The following CAPN5 variants were observed in gnomAD, a reference collection of about 807,000 sequenced individuals.
CAPN5 encodes calpain-5.
Under a neutral mutation model 73.0 loss-of-function variants are expected in CAPN5, and 54 were observed. That is an observed-to-expected ratio of 0.74 (90% CI 0.59 to 0.93). The LOEUF is 0.93. Ranked by LOEUF, CAPN5 falls within the 40% of genes least tolerant of loss-of-function variation. The pLI is 0.00. For synonymous variants in CAPN5, 335 were observed against 356.9 expected, an observed-to-expected ratio of 0.94 and a Z score of 0.69; for missense variants, 785 against 882.9, an observed-to-expected ratio of 0.89 and a Z score of 1.41.
chr11:77,095,832 G>T (rs1278254856), intron 3 of CAPN5, among the ~76,000 whole-genome samples: 2 of 152,246 alleles, frequency 1.3e-5, no homozygotes, highest in Non-Finnish European at 2.9e-5. Flanking sequence ...GTGGGCCAAA[G>T]GTTCCTATTG....
At chr11:77,089,267 T>G (rs1555036099) in intron 2 of CAPN5, among the ~76,000 whole-genome samples, 1 of 152,196 alleles carries the variant, frequency 6.6e-6, no homozygotes, top group African/African-American at 2.4e-5. Flanking sequence ...CGGGTCCCCA[T>G]TTCCCTCCTG....
chr11:77,084,797 C>T (rs1023252941), intron 1 of CAPN5, 55 bp from the exon 2 acceptor site: 27 of 1,486,266 alleles, frequency 1.8e-5, no homozygotes, highest in African/African-American at 2.8e-5. Flanking sequence ...CTTCACAGGG[C>T]ACATCAGGGA....
chr11:77,089,060 C>T (rs1413949996), intron 2 of CAPN5, among the ~76,000 whole-genome samples: 1 of 152,194 alleles, frequency 6.6e-6, no homozygotes, highest in Non-Finnish European at 1.5e-5. Flanking sequence ...GTGGAACCTG[C>T]CAAGCTTTGC....
intron 3 of CAPN5, chr11:77,103,311 G>T: frequency 6.2e-7 from 1 of 1,610,528 alleles, no homozygotes; most frequent in Non-Finnish European, 8.5e-7. Context: ...CAAGGCCTCC[G>T]TGGTTTTTAA....
chr11:77,104,448 T>A (rs1172532879), intron 3 of CAPN5, among the ~76,000 whole-genome samples: 3 of 152,168 alleles, frequency 2.0e-5, no homozygotes, highest in Non-Finnish European at 4.4e-5. Flanking sequence ...TTACGACGGC[T>A]GATAGTCCCA....
At chr11:77,103,149 G>C (rs782326672) in intron 3 of CAPN5, 1 of 1,613,840 alleles carries the variant, frequency 6.2e-7, no homozygotes, top group Non-Finnish European at 8.5e-7. Context: ...GGACCCCACT[G>C]CCATCTTCTG....
At chr11:77,108,442 G>C (rs1591138894) in intron 3 of CAPN5, among the ~76,000 whole-genome samples, 1 of 152,310 alleles carries the variant, frequency 6.6e-6, no homozygotes. Flanking sequence ...AGTGGCATGG[G>C]TGTTTGGTGG....
At chr11:77,084,654 G>A (rs1480026501) in intron 1 of CAPN5, among the ~76,000 whole-genome samples, 198 bp from the exon 2 acceptor site, 13 of 152,178 alleles carry the variant, frequency 8.5e-5, no homozygotes, top group South Asian at 2.1e-4. Context: ...CTTCAGAAAC[G>A]AGAGAATCCA....
intron 3 of CAPN5, among the ~76,000 whole-genome samples, chr11:77,112,082 G>A (rs1226326490): frequency 6.6e-6 from 1 of 152,168 alleles, no homozygotes; most frequent in Non-Finnish European, 1.5e-5. Flanking sequence ...TGCTACAGTT[G>A]TCCCTGGGCG....
At chr11:77,081,104 T>C (rs1950023168) in intron 1 of CAPN5, among the ~76,000 whole-genome samples, 1 of 152,182 alleles carries the variant, frequency 6.6e-6, no homozygotes, top group African/African-American at 2.4e-5. Context: ...ATTTTGTAGA[T>C]GGGAACATCA....
chr11:77,112,176 G>T (rs557857154), intron 3 of CAPN5, among the ~76,000 whole-genome samples: 6 of 152,236 alleles, frequency 3.9e-5, no homozygotes, highest in Non-Finnish European at 7.4e-5. Flanking sequence ...CGCTCAGATT[G>T]GGCTGACTGG....
chr11:77,074,108 G>C (rs1231860241), intron 1 of CAPN5, among the ~76,000 whole-genome samples: 5 of 152,226 alleles, frequency 3.3e-5, no homozygotes, highest in Non-Finnish European at 5.9e-5. Flanking sequence ...TGGGATAGAA[G>C]GGGATAAATA....
Position 77,085,003 on chromosome 11 carries a change from C to G in CAPN5, c.117C>G (p.Leu39=). ...TCTTCCCCGCCACTGACGACTCACT[C>G]TACTATAAGGGCACGCCGGGGCCCG... ...DPLFPATDDS[L]YYKGTPGPAV... Residue 39 remains leucine, a synonymous_variant, in exon 2 of 13, where the codon CTC becomes CTG. Transcript: ENST00000648180. 1.2e-6 allele frequency: 2 copies of G among 1,613,868 alleles called. No homozygotes were observed. The highest frequency in any genetic ancestry group is 1.7e-6 in the Non-Finnish European group (2 of 1,180,054).
intron 3 of CAPN5, chr11:77,103,392 T>C: frequency 6.5e-7 from 1 of 1,536,216 alleles, no homozygotes; most frequent in Non-Finnish European, 8.7e-7. Context: ...CCCCTGCCAC[T>C]TTCCCCCCTG....
chr11:77,105,105 C>T (rs1950330478), intron 3 of CAPN5, among the ~76,000 whole-genome samples: 1 of 151,672 alleles, frequency 6.6e-6, no homozygotes, highest in Admixed American at 6.6e-5. Flanking sequence ...GCTCTGGGGA[C>T]CCTCTTAGTC....
At chr11:77,117,200 C>T (rs1231034543) in intron 7 of CAPN5, among the ~76,000 whole-genome samples, 1 of 152,130 alleles carries the variant, frequency 6.6e-6, no homozygotes, top group Non-Finnish European at 1.5e-5. Context: ...CGCACCACTG[C>T]ACTCCATCCT....
At chr11:77,102,203 G>T (rs1356507308) in intron 3 of CAPN5, among the ~76,000 whole-genome samples, 1 of 152,198 alleles carries the variant, frequency 6.6e-6, no homozygotes, top group Non-Finnish European at 1.5e-5. Context: ...TGAGAGATAC[G>T]GTAGCTGGGC....
chr11:77,096,261 G>A (rs1371425537), intron 3 of CAPN5, among the ~76,000 whole-genome samples: 2 of 151,992 alleles, frequency 1.3e-5, no homozygotes, highest in African/African-American at 4.8e-5. Context: ...CAACACACAC[G>A]CCCCCACAGC....
At chr11:77,122,756 G>A (rs1950535762) in intron 12 of CAPN5, 44 bp downstream of exon 12, 1 of 1,607,994 alleles carries the variant, frequency 6.2e-7, no homozygotes, top group Non-Finnish European at 8.5e-7. Context: ...CTCCTAGCCT[G>A]AGGCTTCCCC....
Sources: allele counts gnomAD v4.1 joint callset (sites outside exome capture counted in the v4.1 genomes callset), GRCh38; gene constraint gnomAD v4.1.1; transcripts MANE v1.5; gene names NCBI Gene and HGNC (gene_info 2026-07-23, HGNC 2026-07-21).